The following CCDC146 variants were observed in gnomAD, a reference collection of about 807,000 sequenced individuals.
The protein encoded by CCDC146 is coiled-coil domain containing 146.
Under a neutral mutation model 119.3 loss-of-function variants are expected in CCDC146, and 92 were observed. The observed-to-expected ratio is 0.77, with a 90% CI of 0.65 to 0.92. The LOEUF is 0.92. Among genes scored for constraint, CCDC146 ranks in the 40% least tolerant of loss-of-function variants. CCDC146 has a pLI of 0.00. For missense variants in CCDC146, 1,000 were observed against 1,103.0 expected (o/e 0.91, Z 1.32); for synonymous variants, 372 against 371.8 (o/e 1.00, Z -0.01).
In CCDC146 at chr7:77,238,982, A is replaced by G. The variant is rs184313836; in HGVS notation, c.239+1953A>G. On this transcript the variant is annotated intron_variant, in intron 3 of 18. Coordinates refer to ENST00000285871, the MANE Select transcript of CCDC146 (RefSeq NM_020879.3). ...CATTCTCTCCTACTCCCAATGCCTG[A>G]TGGGTGGGAAAAACATGAAGTAGAC... is the stretch of plus-strand genomic sequence containing the variant. 1.7e-3 allele frequency among the ~76,000 whole-genome samples: 256 copies of G among 147,886 alleles called. 5 individuals carry two copies. The highest frequency in any genetic ancestry group is 3.9e-4 in the East Asian group (2 of 5,096).
intron 15 of CCDC146, among the ~76,000 whole-genome samples, chr7:77,283,140 A>G (rs549945857): frequency 6.6e-6 from 1 of 152,280 alleles, no homozygotes; most frequent in South Asian, 2.1e-4. Flanking sequence ...ACAGATCTTG[A>G]GGATGAGCCA....
chr7:77,170,571 G>T (rs1219225776), intron 2 of CCDC146, among the ~76,000 whole-genome samples: 1 of 152,198 alleles, frequency 6.6e-6, no homozygotes, highest in East Asian at 1.9e-4. Context: ...CACAGTGGCT[G>T]AACTAAACTA....
chr7:77,277,003 C>T lies in CCDC146; in HGVS notation c.1441-1749C>T, dbSNP rs1015201374. ...ATGAGAATCGCTTGAACCCAGGAGG[C>T]GGAGGTTGCAGTGAGCTGAGATTGC... On this transcript the variant is annotated intron_variant, in intron 11 of 18. Transcript: ENST00000285871. Among the ~76,000 whole-genome samples, 7 of 152,136 alleles carry T rather than the reference C, an allele frequency of 4.6e-5. No homozygotes were observed. The South Asian group carries it at 8.3e-4, about 18-fold the overall frequency.
chr7:77,161,342 G>A (rs1369192929), intron 1 of CCDC146, among the ~76,000 whole-genome samples: 5 of 151,932 alleles, frequency 3.3e-5, no homozygotes, highest in African/African-American at 1.2e-4. Flanking sequence ...GCACACGTAT[G>A]TTTATTGTGG....
chr7:77,196,449 A>G lies in CCDC146; in HGVS notation c.156+28625A>G. 3 of 1,614,178 alleles carry G rather than the reference A, an allele frequency of 1.9e-6. No homozygotes were observed. Among genetic ancestry groups the G allele is most frequent in the East Asian group, 2.2e-5 (1 of 44,888 alleles). On this transcript the variant is annotated intron_variant, in intron 2 of 18. Coordinates refer to ENST00000285871, the MANE Select transcript of CCDC146 (RefSeq NM_020879.3). This position sits in a 1 kb window ranked among gnomAD's most constrained non-coding sequence, Gnocchi z 4.2. ...TTGCCATTTAAGTTTGCAGAAAGAC[A>G]TGCATCAAACCACCAGCCTGAACTG...
chr7:77,165,608 G>C (rs71217152), intron 1 of CCDC146, among the ~76,000 whole-genome samples: 1 of 152,240 alleles, frequency 6.6e-6, no homozygotes, highest in Non-Finnish European at 1.5e-5. Context: ...TAGCAGCAGA[G>C]GCAACATGAC....
intron 3 of CCDC146, among the ~76,000 whole-genome samples, chr7:77,237,621 C>A (rs1162342916): frequency 6.7e-6 from 1 of 148,698 alleles, no homozygotes; most frequent in Non-Finnish European, 1.5e-5. Flanking sequence ...GGTGTAGATT[C>A]TCCAACAACC....
chr7:77,203,520 C>T (rs960580722), intron 2 of CCDC146, among the ~76,000 whole-genome samples: 8 of 152,134 alleles, frequency 5.3e-5, no homozygotes, highest in Middle Eastern at 3.4e-3. Context: ...AGTACAGGAG[C>T]GTCATGAATA....
rs1315645357 is a variant in CCDC146 at position 77,259,004 on chromosome 7, G to A, written c.694G>A (p.Ala232Thr). 1 of 1,611,068 alleles carries A rather than the reference G, an allele frequency of 6.2e-7. No individual in the cohort carries two copies. The highest frequency in any genetic ancestry group is 8.5e-7 in the Non-Finnish European group (1 of 1,177,748). The change falls in exon 7 of 19, where the codon GCC becomes ACC. Residue 232 changes from alanine to threonine, a missense_variant. Physicochemically the swap from Ala to Thr is moderately conservative, Grantham distance 58. This residue lies in a region of CCDC146 where 985 missense variants were observed against 1,045.3 expected (regional missense o/e 0.94). Coordinates refer to ENST00000285871, the MANE Select transcript of CCDC146 (RefSeq NM_020879.3). ...GHQVVLKDEV[A>T]HHQTIPVQIG... ...TTCGTTTCTTTACTAGGATGAAGTG[G>A]CCCACCATCAAACCATTCCAGTACA...
At chr7:77,199,527 T>A in intron 2 of CCDC146, 1 of 1,614,160 alleles carries the variant, frequency 6.2e-7, no homozygotes, top group South Asian at 1.1e-5. Context: ...TTAGACTATT[T>A]ACGATTTCCT....
At chr7:77,223,276 A>G (rs1441547435) in intron 2 of CCDC146, among the ~76,000 whole-genome samples, 1 of 152,190 alleles carries the variant, frequency 6.6e-6, no homozygotes, top group Non-Finnish European at 1.5e-5. Flanking sequence ...ATTGGCATGG[A>G]TGTGTTTAGG....
At chr7:77,173,064 C>T (rs1791447365) in intron 2 of CCDC146, among the ~76,000 whole-genome samples, 2 of 151,888 alleles carry the variant, frequency 1.3e-5, no homozygotes, top group Non-Finnish European at 2.9e-5. Context: ...GAGAGGGGAA[C>T]AACACACACC....
intron 1 of CCDC146, among the ~76,000 whole-genome samples, chr7:77,148,186 C>T (rs1273649605): frequency 2.0e-5 from 3 of 152,196 alleles, no homozygotes; most frequent in African/African-American, 4.8e-5. Flanking sequence ...AGCGAGGCTC[C>T]GTGGGTGTGG....
rs956847178 is a variant in CCDC146 at position 77,159,529 on chromosome 7, A to G, written c.-11-8129A>G. 3.3e-5 allele frequency among the ~76,000 whole-genome samples: 5 copies of G among 152,074 alleles called. No homozygotes were observed. In the South Asian group the frequency reaches 6.2e-4, roughly 19 times the overall value. The stretch of plus-strand genomic sequence containing the variant: ...TATATCGCAATTTCTTTGTCCATTC[A>G]TATGTCCATGGAAATTTATGTTGTT... On this transcript the variant is annotated intron_variant, in intron 1 of 18. Transcript: ENST00000285871.
At chr7:77,294,570 C>T (rs1250649590) in intron 18 of CCDC146, 93 bp from the exon 19 acceptor site, 4 of 1,240,252 alleles carry the variant, frequency 3.2e-6, no homozygotes, top group Non-Finnish European at 4.6e-6. Flanking sequence ...CGGTCAAAGA[C>T]TGTCCAGACC....
In CCDC146 at chr7:77,196,323, T is replaced by C; in HGVS notation, c.156+28499T>C. On this transcript the variant is annotated intron_variant, in intron 2 of 18. Coordinates refer to ENST00000285871, the MANE Select transcript of CCDC146 (RefSeq NM_020879.3). The surrounding 1 kb of genome is among the most constrained non-coding windows in gnomAD (Gnocchi z 4.2). ...GGTCTGATCATCATCTTAGCCTCTT[T>C]GAAGGAGGACTTGTAGCCACCAGGG... 1 of 1,614,094 alleles carries C rather than the reference T, an allele frequency of 6.2e-7. No homozygotes were observed. Among genetic ancestry groups the C allele is most frequent in the Non-Finnish European group, 8.5e-7 (1 of 1,179,996 alleles).
intron 1 of CCDC146, among the ~76,000 whole-genome samples, chr7:77,141,097 G>A (rs1279713609): frequency 1.3e-5 from 2 of 152,108 alleles, no homozygotes. Flanking sequence ...AGGCCTCGGT[G>A]TGTGATGTTC....
At position 77,295,061 on chromosome 7, in the gene CCDC146, T is replaced by G. The variant is rs779037166; in HGVS notation, c.*195T>G. ...ACCTTTCATGACGTTGAATGGGACA[T>G]AGAACTGTCCTACATTTATGTCAAA... On this transcript the variant is annotated 3_prime_UTR_variant, in exon 19 of 19. Transcript: ENST00000285871. The G allele has an allele frequency of 3.5e-6, 2 of 576,884 alleles. No homozygotes were observed. Among genetic ancestry groups the G allele is most frequent in the Non-Finnish European group, 6.2e-6 (2 of 324,848 alleles). The allele number at this position is 576,884 out of a possible 1,614,324, so 35.7% of individuals were successfully genotyped here. A position where few individuals can be genotyped will look rare whatever the true frequency, so the allele number is the denominator to read the frequency against.
At chr7:77,163,864 T>C (rs539150334) in intron 1 of CCDC146, among the ~76,000 whole-genome samples, 33 of 145,018 alleles carry the variant, frequency 2.3e-4, no homozygotes, top group African/African-American at 7.6e-4. Flanking sequence ...TTTTTTCTTT[T>C]TTTTTTTTTT....
Sources: allele counts gnomAD v4.1 joint callset (sites outside exome capture counted in the v4.1 genomes callset), GRCh38; gene constraint gnomAD v4.1.1; regional missense constraint gnomAD v4.1.1; non-coding constraint Gnocchi (gnomAD v3.1); transcripts MANE v1.5; gene names NCBI Gene and HGNC (gene_info 2026-07-23, HGNC 2026-07-21).